Variants in RASGRF2 observed in about 807,000 individuals in gnomAD.
RASGRF2 encodes ras-specific guanine nucleotide-releasing factor 2.
A neutral mutation model predicts 151.0 loss-of-function variants in RASGRF2; 76 were observed. The observed-to-expected ratio is 0.50, with a 90% CI of 0.42 to 0.61. The LOEUF (loss-of-function observed/expected upper bound fraction) is 0.61. Among genes scored for constraint, RASGRF2 ranks in the 20% least tolerant of loss-of-function variants. RASGRF2 has a pLI of 0.00. For synonymous variants in RASGRF2, 504 were observed against 566.5 expected, an observed-to-expected ratio of 0.89 and a Z score of 1.57; for missense variants, 1,148 against 1,564.6, an observed-to-expected ratio of 0.73 and a Z score of 4.49.
chr5:80,994,011 C>T (rs1022485477), intron 1 of RASGRF2, among the ~76,000 whole-genome samples: 1 of 151,956 alleles, frequency 6.6e-6, no homozygotes, highest in African/African-American at 2.4e-5. Flanking sequence ...TGAGTCTTTC[C>T]TCAAGGTAAG....
intron 14 of RASGRF2, 93 bp downstream of exon 14, chr5:81,112,951 C>A: frequency 6.6e-7 from 1 of 1,510,622 alleles, no homozygotes. Flanking sequence ...CTCTGCAAAG[C>A]AGCTCCTAGG....
chr5:81,037,975 A>G (rs1750556801), intron 1 of RASGRF2, among the ~76,000 whole-genome samples: 1 of 152,230 alleles, frequency 6.6e-6, no homozygotes. Context: ...TATGGAAATG[A>G]TATCATACTG....
chr5:81,051,820 C>T (rs973280906), intron 2 of RASGRF2, among the ~76,000 whole-genome samples: 1 of 152,148 alleles, frequency 6.6e-6, no homozygotes, highest in Admixed American at 6.6e-5. Flanking sequence ...GTTATCAACT[C>T]TCTTGGGTAT....
At chr5:81,128,916 A>G (rs576870465) in intron 17 of RASGRF2, among the ~76,000 whole-genome samples, 3 of 152,170 alleles carry the variant, frequency 2.0e-5, no homozygotes, top group Non-Finnish European at 4.4e-5. Context: ...AGGTGGGCAG[A>G]TCACCCAAGG....
intron 2 of RASGRF2, among the ~76,000 whole-genome samples, chr5:81,066,195 G>C (rs780229539): frequency 1.1e-4 from 17 of 151,878 alleles, no homozygotes; most frequent in Non-Finnish European, 2.4e-4. Context: ...TTCCTATCAA[G>C]ACTCTTCTAT....
At chr5:80,981,418 G>A (rs560942917) in intron 1 of RASGRF2, among the ~76,000 whole-genome samples, 2 of 152,106 alleles carry the variant, frequency 1.3e-5, no homozygotes, top group African/African-American at 4.8e-5. Flanking sequence ...AGTGGTCCAT[G>A]TGCTACAACT....
intron 17 of RASGRF2, among the ~76,000 whole-genome samples, chr5:81,150,693 C>T (rs1234031436): frequency 6.6e-6 from 1 of 152,040 alleles, no homozygotes; most frequent in Non-Finnish European, 1.5e-5. Context: ...GATTTGCAGG[C>T]AGGAATTAGT....
intron 4 of RASGRF2, among the ~76,000 whole-genome samples, chr5:81,071,348 C>T (rs984214326): frequency 6.6e-6 from 1 of 152,112 alleles, no homozygotes; most frequent in African/African-American, 2.4e-5. Context: ...TTAATGTGCT[C>T]AGCATTTACC....
At chr5:80,971,179 A>G (rs1309254743) in intron 1 of RASGRF2, among the ~76,000 whole-genome samples, 1 of 152,196 alleles carries the variant, frequency 6.6e-6, no homozygotes, top group Admixed American at 6.5e-5. Context: ...CAGCACCCAT[A>G]TCAAGACATT....
intron 17 of RASGRF2, among the ~76,000 whole-genome samples, chr5:81,129,664 A>G (rs1753563784): frequency 6.6e-6 from 1 of 152,282 alleles, no homozygotes; most frequent in East Asian, 1.9e-4. Flanking sequence ...GGCTTCTATG[A>G]TTGATTACCT....
intron 1 of RASGRF2, among the ~76,000 whole-genome samples, chr5:81,031,563 G>T (rs940938397): frequency 2.0e-5 from 3 of 152,116 alleles, no homozygotes; most frequent in Non-Finnish European, 4.4e-5. Context: ...GGTACATAAC[G>T]AAATGAAGGC....
chr5:81,117,078 A>G (rs1753180512), intron 15 of RASGRF2, among the ~76,000 whole-genome samples: 2 of 152,190 alleles, frequency 1.3e-5, no homozygotes, highest in Admixed American at 1.3e-4. Flanking sequence ...TTCCACTTCG[A>G]TCACCAACTT....
intron 2 of RASGRF2, among the ~76,000 whole-genome samples, chr5:81,065,875 C>T (rs1177939843): frequency 6.6e-6 from 1 of 151,916 alleles, no homozygotes; most frequent in African/African-American, 2.4e-5. Flanking sequence ...TTATCATGCT[C>T]TTATGGTTTC....
intron 1 of RASGRF2, among the ~76,000 whole-genome samples, chr5:81,007,381 A>T (rs1749306956): frequency 6.6e-6 from 1 of 152,136 alleles, no homozygotes; most frequent in Admixed American, 6.5e-5. Flanking sequence ...CTCCTGAGAG[A>T]CCACTCTGTG....
At chr5:80,983,054 A>T (rs1748362803) in intron 1 of RASGRF2, among the ~76,000 whole-genome samples, 2 of 152,152 alleles carry the variant, frequency 1.3e-5, no homozygotes, top group Admixed American at 6.5e-5. Flanking sequence ...ACTTTTTGAA[A>T]CGGGTTAGGA....
intron 1 of RASGRF2, among the ~76,000 whole-genome samples, chr5:81,005,904 G>A (rs543995885): frequency 5.9e-5 from 9 of 152,218 alleles, no homozygotes; most frequent in Non-Finnish European, 1.0e-4. Flanking sequence ...CCAGGTCAGC[G>A]CCTGACTGGC....
intron 2 of RASGRF2, among the ~76,000 whole-genome samples, chr5:81,048,984 A>G (rs1580251771): frequency 1.3e-5 from 2 of 152,046 alleles, no homozygotes; most frequent in African/African-American, 2.4e-5. Flanking sequence ...CTAGGCACGC[A>G]GCTCTTCCTC....
chr5:81,138,048 T>A (rs1753797254), intron 17 of RASGRF2, among the ~76,000 whole-genome samples: 1 of 113,350 alleles, frequency 8.8e-6, no homozygotes, highest in Non-Finnish European at 1.8e-5. Context: ...AATGCCCTTT[T>A]TGTTTCCCTT....
intron 9 of RASGRF2, among the ~76,000 whole-genome samples, chr5:81,089,163 A>G (rs973161879): frequency 6.6e-6 from 1 of 152,232 alleles, no homozygotes; most frequent in Non-Finnish European, 1.5e-5. Flanking sequence ...TATCACTTTT[A>G]CATAGCACCC....
Sources: gnomAD v4.1 joint callset for allele counts (sites outside exome capture counted in the v4.1 genomes callset) on GRCh38, gnomAD v4.1.1 for gene constraint, MANE v1.5 for transcripts, NCBI Gene and HGNC (gene_info 2026-07-23, HGNC 2026-07-21) for gene names.